NOS1AP: variants seen among roughly 807,000 people sequenced by gnomAD.
The protein encoded by NOS1AP is nitric oxide synthase 1 adaptor protein, also known as carboxyl-terminal PDZ ligand of neuronal nitric oxide synthase protein.
NOS1AP carries 21 observed loss-of-function variants against 56.2 expected under a neutral mutation model. The observed-to-expected ratio is 0.37, with a 90% CI of 0.26 to 0.54. The LOEUF (loss-of-function observed/expected upper bound fraction) is 0.54. NOS1AP is among the 20% of genes least tolerant of loss of function. NOS1AP has a pLI of 0.84. For synonymous variants in NOS1AP, 270 were observed against 274.6 expected, an observed-to-expected ratio of 0.98 and a Z score of 0.17; for missense variants, 522 against 657.8, an observed-to-expected ratio of 0.79 and a Z score of 2.26.
chr1:162,080,127 G>A (rs965528638), intron 1 of NOS1AP, among the ~76,000 whole-genome samples: 13 of 152,088 alleles, frequency 8.5e-5, no homozygotes, highest in African/African-American at 3.1e-4. Context: ...TTCTATCATG[G>A]GATTAATTAA....
At chr1:162,348,689 G>A (rs1312295500) in intron 6 of NOS1AP, among the ~76,000 whole-genome samples, 1 of 152,202 alleles carries the variant, frequency 6.6e-6, no homozygotes, top group Non-Finnish European at 1.5e-5. Flanking sequence ...TCTGCAAGGA[G>A]ATCAAGCATG....
At chr1:162,153,680 A>G (rs1337537909) in intron 1 of NOS1AP, among the ~76,000 whole-genome samples, 1 of 152,220 alleles carries the variant, frequency 6.6e-6, no homozygotes, top group Non-Finnish European at 1.5e-5. Context: ...GAACCTTTAC[A>G]TAAAACAAAT....
At chr1:162,300,129 C>A (rs939668249) in intron 3 of NOS1AP, among the ~76,000 whole-genome samples, 1 of 152,106 alleles carries the variant, frequency 6.6e-6, no homozygotes, top group Non-Finnish European at 1.5e-5. Flanking sequence ...GGAGGTTGAG[C>A]CTGAGAGGGT....
chr1:162,125,659 G>C (rs894025314), intron 1 of NOS1AP, among the ~76,000 whole-genome samples: 2 of 152,098 alleles, frequency 1.3e-5, no homozygotes, highest in Non-Finnish European at 2.9e-5. Flanking sequence ...GTACCATGCT[G>C]TTTTGGTTAC....
intron 4 of NOS1AP, among the ~76,000 whole-genome samples, chr1:162,304,956 C>G (rs1382294540): frequency 6.6e-6 from 1 of 152,148 alleles, no homozygotes; most frequent in East Asian, 1.9e-4. Context: ...GTTTGATTCA[C>G]TAGCTCTGCT....
intron 2 of NOS1AP, among the ~76,000 whole-genome samples, chr1:162,234,809 G>A (rs1457763358): frequency 6.6e-6 from 1 of 152,162 alleles, no homozygotes. Context: ...CCACTCCCAT[G>A]TGCAGTGCCC....
chr1:162,289,267 TCCTTCCTTCCTTTCCTTC>T (rs1655202287), intron 3 of NOS1AP, among the ~76,000 whole-genome samples: 1 of 63,516 alleles, frequency 1.6e-5, no homozygotes, highest in African/African-American at 9.0e-5. Flanking sequence ...CTTCCTTCCT[TCCTTCCTTCCTTTCCTTC>T]CTTCCTTCTT....
At chr1:162,260,559 C>T (rs1340005823) in intron 2 of NOS1AP, among the ~76,000 whole-genome samples, 1 of 152,122 alleles carries the variant, frequency 6.6e-6, no homozygotes, top group Non-Finnish European at 1.5e-5. Flanking sequence ...CATTTGATGA[C>T]TAACACATAC....
intron 2 of NOS1AP, among the ~76,000 whole-genome samples, chr1:162,217,323 G>A (rs1016622227): frequency 7.8e-6 from 1 of 128,554 alleles, no homozygotes; most frequent in Non-Finnish European, 1.6e-5. Context: ...GAGTGCAATG[G>A]CACGATCTCG....
intron 1 of NOS1AP, among the ~76,000 whole-genome samples, chr1:162,151,618 C>T (rs1030879468): frequency 1.3e-5 from 2 of 152,156 alleles, no homozygotes; most frequent in Non-Finnish European, 2.9e-5. Flanking sequence ...TTCTTCCAAT[C>T]CATGAACATG....
At chr1:162,105,950 C>T (rs760221412) in intron 1 of NOS1AP, among the ~76,000 whole-genome samples, 10 of 152,312 alleles carry the variant, frequency 6.6e-5, no homozygotes, top group African/African-American at 1.2e-4. Flanking sequence ...TGACTCAGCC[C>T]CCTTCCTAGG....
chr1:162,069,920 C>A lies in NOS1AP; in HGVS notation c.-258C>A, dbSNP rs1691623550. ...CAGCCCGCTCCCGCCGCCACCTCCTCCCCTGCCGCCCTCCTAGCCGGCAGG... is the reference window on the plus strand; with the variant it reads ...CAGCCCGCTCCCGCCGCCACCTCCTACCCTGCCGCCCTCCTAGCCGGCAGG... On this transcript the variant is annotated 5_prime_UTR_variant, in exon 1 of 10. Coordinates refer to ENST00000361897, the MANE Select transcript of NOS1AP (RefSeq NM_014697.3). 3 of 198,258 alleles carry A rather than the reference C, an allele frequency of 1.5e-5. No individual in the cohort carries two copies. Among genetic ancestry groups the A allele is most frequent in the Middle Eastern group, 1.8e-3 (1 of 542 alleles). 12.3% of individuals were successfully genotyped at this position (198,258 alleles called of 1,614,324 possible).
At position 162,369,111 on chromosome 1, in the gene NOS1AP, A is replaced by G. The variant is rs540872330; in HGVS notation, c.*1644A>G. On this transcript the variant is annotated 3_prime_UTR_variant, in exon 10 of 10. Transcript: ENST00000361897. ...TGTGTGTGTGTACACATGTGTTTAT[A>G]TATACATGTGTGAGGGAAAGTGTGT... 6.6e-6 allele frequency: 1 copy of G among 152,278 alleles called. No individual in the cohort carries two copies. Among genetic ancestry groups the G allele is most frequent in the Admixed American group, 6.5e-5 (1 of 15,272 alleles). The allele number at this position is 152,278 out of a possible 1,614,324, so 9.4% of individuals were successfully genotyped here.
chr1:162,096,292 A>C (rs1314899481), intron 1 of NOS1AP, among the ~76,000 whole-genome samples: 1 of 152,154 alleles, frequency 6.6e-6, no homozygotes. Flanking sequence ...TTTCCATGTC[A>C]GCGTATTTAT....
chr1:162,193,444 T>C (rs542450290), intron 2 of NOS1AP, among the ~76,000 whole-genome samples: 25 of 152,256 alleles, frequency 1.6e-4, no homozygotes, highest in African/African-American at 6.0e-4. Context: ...GAAAAGGCTC[T>C]AAGAGATAAA....
chr1:162,366,253 A>G (rs1349874290), intron 9 of NOS1AP, among the ~76,000 whole-genome samples: 1 of 152,124 alleles, frequency 6.6e-6, no homozygotes, highest in Non-Finnish European at 1.5e-5. Flanking sequence ...TGGGCTGTGG[A>G]CCAGCAAATA....
At chr1:162,352,504 A>G (rs965926580) in intron 6 of NOS1AP, among the ~76,000 whole-genome samples, 66 of 151,530 alleles carry the variant, frequency 4.4e-4, no homozygotes, top group African/African-American at 1.6e-3. Flanking sequence ...CCATTCATGC[A>G]CTATAGTAAT....
chr1:162,118,341 G>A (rs1648056717), intron 1 of NOS1AP, among the ~76,000 whole-genome samples: 2 of 152,166 alleles, frequency 1.3e-5, no homozygotes, highest in Admixed American at 6.5e-5. Context: ...ACTTATAAGC[G>A]AGAACATGTA....
chr1:162,268,405 G>T (rs1654490736), intron 2 of NOS1AP, among the ~76,000 whole-genome samples: 1 of 152,156 alleles, frequency 6.6e-6, no homozygotes, highest in Non-Finnish European at 1.5e-5. Context: ...CTTGACATGT[G>T]AAGGTTTCTG....
Sources: gnomAD v4.1 joint callset for allele counts (sites outside exome capture counted in the v4.1 genomes callset) on GRCh38, gnomAD v4.1.1 for gene constraint, MANE v1.5 for transcripts, NCBI Gene and HGNC (gene_info 2026-07-23, HGNC 2026-07-21) for gene names.